CLASP2: variants seen among roughly 807,000 people sequenced by gnomAD.
The protein encoded by CLASP2 is cytoplasmic linker associated protein 2.
A neutral mutation model predicts 194.4 loss-of-function variants in CLASP2; 47 were observed. The observed-to-expected ratio is 0.24, with a 90% CI of 0.19 to 0.31. CLASP2 has a LOEUF of 0.31. Among genes scored for constraint, CLASP2 ranks in the 10% least tolerant of loss-of-function variants. The pLI is 1.00. For synonymous variants in CLASP2, 619 were observed against 633.5 expected, an observed-to-expected ratio of 0.98 and a Z score of 0.34; for missense variants, 1,445 against 1,823.6, an observed-to-expected ratio of 0.79 and a Z score of 3.78.
chr3:33,575,078 T>C (rs769614503), intron 24 of CLASP2, among the ~76,000 whole-genome samples: 96 of 152,240 alleles, frequency 6.3e-4, no homozygotes, highest in Non-Finnish European at 1.1e-3. Flanking sequence ...GAAAACATGA[T>C]TTGAGATACA....
At chr3:33,581,022 AAAAAAAAAAG>A (rs2065973833) in intron 23 of CLASP2, among the ~76,000 whole-genome samples, 1 of 150,072 alleles carries the variant, frequency 6.7e-6, no homozygotes, top group African/African-American at 2.4e-5. Context: ...TCTCAAAAAA[AAAAAAAAAAG>A]AAAGAAAGAA....
At chr3:33,580,601 C>T (rs946394892) in intron 23 of CLASP2, among the ~76,000 whole-genome samples, 2 of 151,918 alleles carry the variant, frequency 1.3e-5, no homozygotes, top group African/African-American at 4.8e-5. Flanking sequence ...AAATTCTATA[C>T]TACCATATGT....
chr3:33,565,658 C>G, intron 27 of CLASP2, among the ~76,000 whole-genome samples: 1 of 151,178 alleles, frequency 6.6e-6, no homozygotes. Flanking sequence ...ACTAAAAATA[C>G]AAATTTAGCT....
In CLASP2 at chr3:33,668,936, T is replaced by C. The variant is rs891487733; in HGVS notation, c.645-5421A>G. ...AAGAATGGCTAGGGGTAATAAGTCA[T>C]TGGCCTATTTCAGTAAGAACATTAA... is the stretch of plus-strand genomic sequence containing the variant. On this transcript the variant is annotated intron_variant, in intron 6 of 38. Coordinates refer to ENST00000682230, the MANE Select transcript of CLASP2 (RefSeq NM_001365631.1). Among the ~76,000 whole-genome samples the C allele has an allele frequency of 3.9e-5, 6 of 152,316 alleles. No individual in the cohort carries two copies. In the South Asian group the frequency reaches 6.2e-4, roughly 16 times the overall value.
At chr3:33,697,039 T>C in intron 1 of CLASP2, 106 bp from the exon 2 acceptor site, 1 of 690,898 alleles carries the variant, frequency 1.4e-6, no homozygotes, top group South Asian at 2.0e-5. Context: ...TATTACATTT[T>C]TTAAAAATGA....
chr3:33,543,990 G>C (rs1449656735), intron 31 of CLASP2, among the ~76,000 whole-genome samples: 3 of 152,038 alleles, frequency 2.0e-5, no homozygotes, highest in Non-Finnish European at 4.4e-5. Flanking sequence ...GACTGACTCT[G>C]GTTCACAAGA....
At chr3:33,541,869 G>A (rs957805877) in intron 32 of CLASP2, among the ~76,000 whole-genome samples, 1 of 152,108 alleles carries the variant, frequency 6.6e-6, no homozygotes, top group African/African-American at 2.4e-5. Flanking sequence ...TGGGATTGCT[G>A]GCTCAAATTA....
At chr3:33,601,107 C>T (rs758768545) in intron 18 of CLASP2, among the ~76,000 whole-genome samples, 7 of 151,994 alleles carry the variant, frequency 4.6e-5, no homozygotes, top group Admixed American at 1.3e-4. Context: ...TACAGGCGCT[C>T]GCCACCACGC....
intron 21 of CLASP2, among the ~76,000 whole-genome samples, chr3:33,591,416 C>T (rs1254391921): frequency 3.3e-5 from 5 of 152,052 alleles, no homozygotes; most frequent in African/African-American, 1.2e-4. Context: ...AGAACAAGAT[C>T]AGTTTGGGCA....
Position 33,539,895 on chromosome 3 carries a change from G to C in CLASP2, c.3405-953C>G, listed in dbSNP as rs2058046723. ...TTTAACACAAATTTGTAAGAAGATA[G>C]AGGATTTTTAATACTGAATATAATT... On this transcript the variant is annotated intron_variant, in intron 32 of 38. Coordinates refer to ENST00000682230, the MANE Select transcript of CLASP2 (RefSeq NM_001365631.1). Among the ~76,000 whole-genome samples, 3 of 148,750 alleles carry C rather than the reference G, an allele frequency of 2.0e-5. No homozygotes were observed. The Admixed American group carries it at 2.1e-4, about 10-fold the overall frequency.
Position 33,569,366 on chromosome 3 carries a change from T to C in CLASP2, c.2763+1361A>G, listed in dbSNP as rs116579389. On this transcript the variant is annotated intron_variant, in intron 26 of 38. Transcript: ENST00000682230. Reference sequence around the variant, plus strand: ...GAAATAATCTAGCTTTGGTCTTATATCTTCCAGTAGCAGGAATTACTGAAG... The same window carrying C: ...GAAATAATCTAGCTTTGGTCTTATACCTTCCAGTAGCAGGAATTACTGAAG... Among the ~76,000 whole-genome samples the C allele has an allele frequency of 2.4e-3, 362 of 152,358 alleles. 2 individuals carry two copies. The highest frequency in any genetic ancestry group is 7.8e-3 in the African/African-American group (323 of 41,586).
At chr3:33,677,501 C>T (rs1395964003) in intron 6 of CLASP2, among the ~76,000 whole-genome samples, 4 of 140,470 alleles carry the variant, frequency 2.8e-5, no homozygotes, top group African/African-American at 1.1e-4. Flanking sequence ...GGGAATTGAA[C>T]GATGAGAACA....
At chr3:33,649,812 A>C (rs2082884805) in intron 7 of CLASP2, among the ~76,000 whole-genome samples, 1 of 152,202 alleles carries the variant, frequency 6.6e-6, no homozygotes, top group African/African-American at 2.4e-5. Context: ...AGAATAACAG[A>C]GAAGTGAATC....
chr3:33,642,004 T>C (rs1490696199), intron 8 of CLASP2, among the ~76,000 whole-genome samples: 1 of 151,918 alleles, frequency 6.6e-6, no homozygotes, highest in Non-Finnish European at 1.5e-5. Flanking sequence ...TAAAGAGAAA[T>C]AGAACAATCT....
At chr3:33,577,386 G>A (rs944743447) in intron 23 of CLASP2, 9 of 707,468 alleles carry the variant, frequency 1.3e-5, no homozygotes, top group Non-Finnish European at 4.6e-6. Context: ...TTAATGATCA[G>A]AGTATTGCCA....
In CLASP2 at chr3:33,651,821, A is replaced by G. The variant is rs542597854; in HGVS notation, c.716-6918T>C. Among the ~76,000 whole-genome samples the G allele has an allele frequency of 5.9e-5, 9 of 151,886 alleles. No individual in the cohort carries two copies. The South Asian group carries it at 1.9e-3, about 32-fold the overall frequency. On this transcript the variant is annotated intron_variant, in intron 7 of 38. Transcript: ENST00000682230. ...ATTACAGGCATGCACCACCACGGCC[A>G]GCTAATTTTGTCTTTTTGGTAGAGA...
chr3:33,629,636 A>G (rs992736767), intron 9 of CLASP2, among the ~76,000 whole-genome samples: 1 of 152,142 alleles, frequency 6.6e-6, no homozygotes, highest in African/African-American at 2.4e-5. Flanking sequence ...TTGAGGGTTC[A>G]TTTTATGTGA....
At position 33,688,284 on chromosome 3, in the gene CLASP2, A is replaced by G. The variant is rs767787232; in HGVS notation, c.463T>C (p.Leu155=). The G allele has an allele frequency of 1.9e-6, 3 of 1,565,418 alleles. No individual in the cohort carries two copies. The South Asian group carries it at 3.7e-5, about 19-fold the overall frequency. The change falls in exon 4 of 39, where the codon TTA becomes CTA. Residue 155 remains leucine, a synonymous_variant. Coordinates refer to ENST00000682230, the MANE Select transcript of CLASP2 (RefSeq NM_001365631.1). Reference sequence around the variant, plus strand: ...AGTAATCATAAAACTTACATGTTTAAGGTTTCAATAAGACACAGACACACG... The same window carrying G: ...AGTAATCATAAAACTTACATGTTTAGGGTTTCAATAAGACACAGACACACG... ...EGVCLCLIET[L]NIFGAQPLVI...
chr3:33,505,259 A>G (rs1398735331), intron 37 of CLASP2: 2 of 151,554 alleles, frequency 1.3e-5, no homozygotes, highest in African/African-American at 2.4e-5. Context: ...AACAACAACA[A>G]CAACAACAAA....
Sources: gnomAD v4.1 joint callset for allele counts (sites outside exome capture counted in the v4.1 genomes callset) on GRCh38, gnomAD v4.1.1 for gene constraint, MANE v1.5 for transcripts, NCBI Gene and HGNC (gene_info 2026-07-23, HGNC 2026-07-21) for gene names.